ZNF273: variants seen among roughly 807,000 people sequenced by gnomAD.
ZNF273 encodes zinc finger protein 273, also known as zinc finger protein 9.
ZNF273 carries 11 observed loss-of-function variants against 14.9 expected under a neutral mutation model. That is an observed-to-expected ratio of 0.74 (90% CI 0.46 to 1.22). ZNF273 has a LOEUF of 1.22. Ranked by LOEUF, ZNF273 falls within the 50% of genes most tolerant of loss-of-function variation. ZNF273 has a pLI of 0.00. For synonymous variants in ZNF273, 199 were observed against 223.9 expected (o/e 0.89, Z 0.99); for missense variants, 577 against 660.6 (o/e 0.87, Z 1.39).
Position 64,927,652 on chromosome 7 carries a change from A to G in ZNF273, c.326-2A>G. On this transcript the variant is annotated splice_acceptor_variant, in intron 3 of 3. Transcript: ENST00000476120. LOFTEE classifies it high-confidence loss of function. Reference sequence around the variant, plus strand: ...GGTAATTGTTACTTTTATTTCTTTCAGTTGTGTGTTCTCATTTTGCCCAAG... The same window carrying G: ...GGTAATTGTTACTTTTATTTCTTTCGGTTGTGTGTTCTCATTTTGCCCAAG... 1.3e-6 allele frequency: 2 copies of G among 1,552,474 alleles called. No individual in the cohort carries two copies. The highest frequency in any genetic ancestry group is 1.7e-6 in the Non-Finnish European group (2 of 1,155,732).
chr7:64,916,085 A>G (rs1165600924), intron 1 of ZNF273, among the ~76,000 whole-genome samples: 1 of 152,036 alleles, frequency 6.6e-6, no homozygotes, highest in Non-Finnish European at 1.5e-5. Flanking sequence ...AGTCCCAGCT[A>G]CTAGGGAGAC....
downstream of ZNF273, among the ~76,000 whole-genome samples, chr7:64,884,562 C>G (rs1791467545): frequency 6.6e-6 from 1 of 152,202 alleles, no homozygotes; most frequent in Middle Eastern, 3.4e-3. Context: ...CCCAGACAGC[C>G]GCGCTGAGAA....
intron 3 of ZNF273, 38 bp from the exon 4 acceptor site, chr7:64,927,616 C>T (rs376704898): frequency 5.9e-5 from 89 of 1,499,836 alleles, no homozygotes; most frequent in Non-Finnish European, 7.4e-5. Flanking sequence ...TCATCTGAGT[C>T]TAGTAAGTGG....
At chr7:64,926,338 A>T (rs570704263) in intron 3 of ZNF273, among the ~76,000 whole-genome samples, 1 of 152,158 alleles carries the variant, frequency 6.6e-6, no homozygotes, top group South Asian at 2.1e-4. Flanking sequence ...TGTGTGTGTT[A>T]TAAATATCTT....
At chr7:64,897,712 CT>C (rs34696878) in exon 4 of ZNF273, 53,916 of 121,248 alleles carry the variant, frequency 0.44, 11,401 homozygotes, top group Non-Finnish European at 0.47. Flanking sequence ...TTGTTGATTT[CT>C]TTTTTTTTTT....
chr7:64,904,545 C>A (rs1431330121), intron 1 of ZNF273, among the ~76,000 whole-genome samples: 1 of 152,174 alleles, frequency 6.6e-6, no homozygotes, highest in Admixed American at 6.6e-5. Context: ...GACTACTCCC[C>A]ACCCCCAATT....
chr7:64,916,247 A>G (rs1793975973), intron 1 of ZNF273, among the ~76,000 whole-genome samples: 1 of 152,024 alleles, frequency 6.6e-6, no homozygotes, highest in African/African-American at 2.4e-5. Context: ...ACTGTTAAAA[A>G]TAACAACATA....
intron 1 of ZNF273, among the ~76,000 whole-genome samples, chr7:64,887,244 G>A (rs10256006): frequency 0.042 from 6,376 of 152,276 alleles, 160 homozygotes; most frequent in Middle Eastern, 0.082. Context: ...GACACAGGCA[G>A]TTTTCTCTAA....
At chr7:64,911,634 G>GTCT (rs59610360) in intron 1 of ZNF273, among the ~76,000 whole-genome samples, 76,131 of 152,146 alleles carry the variant, frequency 0.5, 20,522 homozygotes, top group East Asian at 0.64. Flanking sequence ...TATTTGAATC[G>GTCT]TCATTAATCT....
At chr7:64,903,204 C>G (rs930755906), upstream of ZNF273, 8 of 837,128 alleles carry the variant, frequency 9.6e-6, no homozygotes, top group Admixed American at 2.1e-4. Flanking sequence ...GGACGCTGGG[C>G]TGGGACCCGT....
chr7:64,915,853 CTTAT>C (rs1793939400), intron 1 of ZNF273, among the ~76,000 whole-genome samples: 1 of 152,086 alleles, frequency 6.6e-6, no homozygotes, highest in Non-Finnish European at 1.5e-5. Flanking sequence ...TAACAAAATG[CTTAT>C]TTAAACAGGA....
chr7:64,898,396 T>C (rs1385603159), upstream of ZNF273, among the ~76,000 whole-genome samples: 1 of 152,158 alleles, frequency 6.6e-6, no homozygotes, highest in African/African-American at 2.4e-5. Flanking sequence ...AGTACTCGCG[T>C]GCCAAACGCT....
chr7:64,882,978 TGC>T (rs1366165057), downstream of ZNF273, among the ~76,000 whole-genome samples: 1 of 152,310 alleles, frequency 6.6e-6, no homozygotes, highest in African/African-American at 2.4e-5. Flanking sequence ...TGTCTGTGTG[TGC>T]GCGTGTGTGT....
At chr7:64,901,653 G>A (rs568184583), upstream of ZNF273, among the ~76,000 whole-genome samples, 11 of 152,240 alleles carry the variant, frequency 7.2e-5, no homozygotes, top group South Asian at 2.1e-3. Flanking sequence ...CTCTGCCATG[G>A]GATCCTCCTA....
At chr7:64,912,738 A>G (rs1228233713) in intron 1 of ZNF273, among the ~76,000 whole-genome samples, 1 of 150,392 alleles carries the variant, frequency 6.6e-6, no homozygotes, top group Non-Finnish European at 1.5e-5. Flanking sequence ...TTATATGTAG[A>G]TATTTTTCTG....
chr7:64,917,160 A>G (rs1465294209), intron 1 of ZNF273: 21 of 1,183,390 alleles, frequency 1.8e-5, no homozygotes, highest in Non-Finnish European at 2.3e-5. Flanking sequence ...TTTATTCCAG[A>G]TCTTCTGGAA....
At chr7:64,904,801 CTG>C (rs1477642786) in intron 1 of ZNF273, among the ~76,000 whole-genome samples, 2 of 152,172 alleles carry the variant, frequency 1.3e-5, no homozygotes, top group Non-Finnish European at 2.9e-5. Flanking sequence ...AAAAAAATCT[CTG>C]TGCCTCTTTT....
intron 3 of ZNF273, among the ~76,000 whole-genome samples, chr7:64,923,197 ACT>A (rs995909693): frequency 6.6e-6 from 1 of 151,516 alleles, no homozygotes; most frequent in Admixed American, 6.6e-5. Flanking sequence ...TCTCATACAA[ACT>A]CTGTCTTTTT....
chr7:64,933,776 A>AT (rs1235696659), downstream of ZNF273, among the ~76,000 whole-genome samples: 4 of 152,170 alleles, frequency 2.6e-5, no homozygotes, highest in Non-Finnish European at 4.4e-5. Flanking sequence ...CATAAAATGC[A>AT]TTTTTTTCTG....
Sources: gnomAD v4.1 joint callset for allele counts (sites outside exome capture counted in the v4.1 genomes callset) on GRCh38, gnomAD v4.1.1 for gene constraint, MANE v1.5 for transcripts, NCBI Gene and HGNC (gene_info 2026-07-23, HGNC 2026-07-21) for gene names.